ST6GAL1: variants seen among roughly 807,000 people sequenced by gnomAD.
ST6GAL1 encodes beta-galactoside alpha-2,6-sialyltransferase 1.
A neutral mutation model predicts 38.0 loss-of-function variants in ST6GAL1; 20 were observed. The ratio of observed to expected loss-of-function variants is 0.53; its 90% confidence interval spans 0.37 to 0.77. The LOEUF (loss-of-function observed/expected upper bound fraction) is 0.77. ST6GAL1 is among the 30% of genes least tolerant of loss of function. The pLI is 0.00. For synonymous variants in ST6GAL1, 196 were observed against 188.2 expected (o/e 1.04, Z -0.34); for missense variants, 432 against 496.4 (o/e 0.87, Z 1.23).
intron 1 of ST6GAL1, among the ~76,000 whole-genome samples, chr3:186,937,666 TGAG>T (rs928164854): frequency 1.3e-5 from 2 of 152,076 alleles, no homozygotes; most frequent in African/African-American, 4.8e-5. Flanking sequence ...CGTGCGACCT[TGAG>T]GAGGGAGTCA....
chr3:187,076,151 C>A lies in ST6GAL1; in HGVS notation c.*348C>A. 1 of 279,054 alleles carries A rather than the reference C, an allele frequency of 3.6e-6. No individual in the cohort carries two copies. The highest frequency in any genetic ancestry group is 6.8e-6 in the Non-Finnish European group (1 of 146,854). 17.3% of individuals were successfully genotyped at this position (279,054 alleles called of 1,614,324 possible). On this transcript the variant is annotated 3_prime_UTR_variant, in exon 8 of 8. Coordinates refer to ENST00000169298, the MANE Select transcript of ST6GAL1 (RefSeq NM_173216.2). ...CTTTGTTTTTCCCAGCAGAATGATG[C>A]CATTCTCACAAACCAATGCTCTATA... is the stretch of plus-strand genomic sequence containing the variant.
chr3:186,988,399 AG>A (rs1716030679), intron 2 of ST6GAL1, among the ~76,000 whole-genome samples: 1 of 152,068 alleles, frequency 6.6e-6, no homozygotes, highest in Non-Finnish European at 1.5e-5. Flanking sequence ...TGAAGCTGAG[AG>A]GGGTAGAAGC....
chr3:186,947,574 T>G (rs532075511), intron 1 of ST6GAL1, among the ~76,000 whole-genome samples: 1 of 152,296 alleles, frequency 6.6e-6, no homozygotes, highest in East Asian at 1.9e-4. Context: ...TTTATTATTA[T>G]TTACATTTAC....
intron 1 of ST6GAL1, chr3:186,948,557 G>A: frequency 6.5e-6 from 1 of 153,430 alleles, no homozygotes; most frequent in Non-Finnish European, 1.4e-5. Flanking sequence ...GTGTGTGTGT[G>A]TGTGTGTGTG....
chr3:187,021,439 C>T (rs1717295511), intron 2 of ST6GAL1, among the ~76,000 whole-genome samples: 1 of 152,026 alleles, frequency 6.6e-6, no homozygotes, highest in Non-Finnish European at 1.5e-5. Context: ...TGACTGTGGG[C>T]CTTACAACCC....
At chr3:187,039,358 G>T (rs1052412678) in intron 3 of ST6GAL1, among the ~76,000 whole-genome samples, 2 of 152,170 alleles carry the variant, frequency 1.3e-5, no homozygotes, top group Non-Finnish European at 2.9e-5. Flanking sequence ...TTGAGTATCC[G>T]CTCTGGTCCA....
At chr3:187,028,020 G>T (rs569165410) in intron 2 of ST6GAL1, among the ~76,000 whole-genome samples, 2 of 151,446 alleles carry the variant, frequency 1.3e-5, no homozygotes, top group Admixed American at 1.3e-4. Context: ...TGTGGAGATC[G>T]TGGAGGTCCT....
At chr3:186,999,612 T>C (rs1369641431) in intron 2 of ST6GAL1, among the ~76,000 whole-genome samples, 1 of 151,908 alleles carries the variant, frequency 6.6e-6, no homozygotes, top group East Asian at 1.9e-4. Context: ...GGTTTCACCG[T>C]GTTAGCCAGG....
chr3:187,017,420 A>G (rs1389109986), intron 2 of ST6GAL1, among the ~76,000 whole-genome samples: 1 of 152,156 alleles, frequency 6.6e-6, no homozygotes, highest in African/African-American at 2.4e-5. Context: ...AAGATAGAGC[A>G]ACAATGTTCT....
intron 5 of ST6GAL1, among the ~76,000 whole-genome samples, chr3:187,066,813 C>T (rs1719160095): frequency 1.3e-5 from 2 of 152,134 alleles, no homozygotes; most frequent in Non-Finnish European, 2.9e-5. Context: ...AACTCCTCCC[C>T]TGCCCCCTAA....
rs1320892577 is a variant in ST6GAL1, at chr3:187,077,849, A to C, written c.*2046A>C. On this transcript the variant is annotated 3_prime_UTR_variant, in exon 8 of 8. Transcript: ENST00000169298. ...TTAACTGTCTTATTGGGAGACAACA[A>C]CTGTCCTCCTTGGAACACCCAAGAA... 4 of 152,438 alleles carry C rather than the reference A, an allele frequency of 2.6e-5. No individual in the cohort carries two copies. Among genetic ancestry groups the C allele is most frequent in the Admixed American group, 6.5e-5 (1 of 15,280 alleles). 9.4% of individuals were successfully genotyped at this position (152,438 alleles called of 1,614,324 possible).
chr3:186,981,363 G>A (rs1446030125), intron 2 of ST6GAL1, among the ~76,000 whole-genome samples: 2 of 152,210 alleles, frequency 1.3e-5, no homozygotes, highest in Non-Finnish European at 2.9e-5. Context: ...TTGGATTTTG[G>A]TTTGCTTATG....
intron 2 of ST6GAL1, among the ~76,000 whole-genome samples, chr3:187,010,501 G>A (rs894712724): frequency 2.0e-5 from 3 of 152,180 alleles, no homozygotes; most frequent in African/African-American, 4.8e-5. Context: ...TGTCCAGGCT[G>A]GAGTGCAGTG....
At chr3:187,062,449 G>C (rs1718951026) in intron 5 of ST6GAL1, among the ~76,000 whole-genome samples, 1 of 152,060 alleles carries the variant, frequency 6.6e-6, no homozygotes, top group African/African-American at 2.4e-5. Flanking sequence ...TGTTGATGTT[G>C]AATGGATACA....
intron 5 of ST6GAL1, among the ~76,000 whole-genome samples, chr3:187,058,519 T>G (rs756454125): frequency 1.3e-5 from 2 of 151,694 alleles, no homozygotes; most frequent in Non-Finnish European, 1.5e-5. Flanking sequence ...TAATACCTTT[T>G]AATTTTTTTT....
intron 2 of ST6GAL1, among the ~76,000 whole-genome samples, chr3:186,985,465 G>A (rs368016980): frequency 1.3e-5 from 2 of 151,734 alleles, no homozygotes; most frequent in Admixed American, 6.6e-5. Context: ...AAGCTTTTGT[G>A]CAGGTCTCTA....
chr3:186,975,861 C>T (rs2108534524), intron 2 of ST6GAL1, among the ~76,000 whole-genome samples: 1 of 152,302 alleles, frequency 6.6e-6, no homozygotes, highest in Admixed American at 6.5e-5. Context: ...CCTCCCTTAC[C>T]TCATCCCAAT....
At chr3:187,029,046 A>G (rs1043579037) in intron 2 of ST6GAL1, among the ~76,000 whole-genome samples, 1 of 148,414 alleles carries the variant, frequency 6.7e-6, no homozygotes, top group African/African-American at 2.5e-5. Flanking sequence ...AGATTGTGCC[A>G]CTGTGTACTC....
At chr3:187,074,483 A>C in intron 7 of ST6GAL1, 150 bp downstream of exon 7, 1 of 825,938 alleles carries the variant, frequency 1.2e-6, no homozygotes, top group Non-Finnish European at 1.7e-6. Flanking sequence ...GCCAAGTTCT[A>C]TCTAAAATAC....
Sources: allele counts gnomAD v4.1 joint callset (sites outside exome capture counted in the v4.1 genomes callset), GRCh38; gene constraint gnomAD v4.1.1; transcripts MANE v1.5; gene names NCBI Gene and HGNC (gene_info 2026-07-23, HGNC 2026-07-21).